OTOF: variants seen among roughly 807,000 people sequenced by gnomAD.
OTOF encodes the protein fer-1-like family member 2.
A neutral mutation model predicts 236.8 loss-of-function variants in OTOF; 218 were observed. The observed-to-expected ratio is 0.92, with a 90% CI of 0.82 to 1.03. The LOEUF (loss-of-function observed/expected upper bound fraction) is 1.03, where lower values mean the gene tolerates loss of function less well. OTOF is among the 50% of genes least tolerant of loss of function. The pLI is 0.00. For missense variants in OTOF, 2,590 were observed against 2,694.4 expected, an observed-to-expected ratio of 0.96 and a Z score of 0.86; for synonymous variants, 1,041 against 1,072.5, an observed-to-expected ratio of 0.97 and a Z score of 0.57.
chr2:26,459,398 A>C (rs1266195606), intron 46 of OTOF, among the ~76,000 whole-genome samples: 3 of 152,024 alleles, frequency 2.0e-5, no homozygotes, highest in Non-Finnish European at 4.4e-5. Flanking sequence ...TAAAAATACA[A>C]AAAATTATCC....
intron 8 of OTOF, among the ~76,000 whole-genome samples, chr2:26,500,600 T>A (rs1386154904): frequency 6.6e-6 from 1 of 152,188 alleles, no homozygotes; most frequent in African/African-American, 2.4e-5. Flanking sequence ...TTGAAGTTAT[T>A]TAAAACCACA....
chr2:26,482,459 G>A lies in OTOF; in HGVS notation c.1526C>T (p.Ala509Val). The A allele has an allele frequency of 6.2e-7, 1 of 1,613,312 alleles. No homozygotes were observed. Among genetic ancestry groups the A allele is most frequent in the Non-Finnish European group, 8.5e-7 (1 of 1,179,998 alleles). The change falls in exon 14 of 47, where the codon GCC becomes GTC. Residue 509 changes from alanine to valine, a missense_variant. Physicochemically the swap from Ala to Val is moderately conservative, Grantham distance 64. This residue lies in a region of OTOF where 1,379 missense variants were observed against 1,341.6 expected (regional missense o/e 1.03). Coordinates refer to ENST00000272371, the MANE Select transcript of OTOF (RefSeq NM_194248.3). ...IRDSDKVNDV[A>V]IGTHFIDLRK... Reference sequence around the variant, plus strand: ...CAGGTCAATGAAGTGGGTGCCGATGGCCACGTCGTTGACCTTGTCCGAGTC... The same window carrying A: ...CAGGTCAATGAAGTGGGTGCCGATGACCACGTCGTTGACCTTGTCCGAGTC...
At chr2:26,496,052 T>A (rs1665975550) in intron 8 of OTOF, among the ~76,000 whole-genome samples, 1 of 152,208 alleles carries the variant, frequency 6.6e-6, no homozygotes, top group Non-Finnish European at 1.5e-5. Context: ...ACTGATTGTA[T>A]GTTGTGTGCA....
At chr2:26,501,239 C>A (rs928516079) in intron 8 of OTOF, among the ~76,000 whole-genome samples, 7 of 152,044 alleles carry the variant, frequency 4.6e-5, no homozygotes, top group African/African-American at 1.7e-4. Context: ...CTTAGAAGCA[C>A]ACAAATAAAA....
chr2:26,491,754 T>C (rs1437672786), intron 9 of OTOF, among the ~76,000 whole-genome samples: 1 of 152,216 alleles, frequency 6.6e-6, no homozygotes, highest in Non-Finnish European at 1.5e-5. Context: ...GGCAAAGGTT[T>C]TGAGCTTCCC....
chr2:26,481,373 A>G (rs545807905), intron 14 of OTOF, among the ~76,000 whole-genome samples: 1 of 152,200 alleles, frequency 6.6e-6, no homozygotes, highest in South Asian at 2.1e-4. Context: ...CACCACGGTG[A>G]CCCTGCCAGT....
rs368595030 is a variant in OTOF, at chr2:26,483,470, C to T, written c.1384G>A (p.Gly462Ser). 45 of 1,613,622 alleles carry T rather than the reference C, an allele frequency of 2.8e-5. No individual in the cohort carries two copies. The highest frequency in any genetic ancestry group is 3.7e-5 in the Non-Finnish European group (44 of 1,179,966). The change falls in exon 13 of 47, where the codon GGC becomes AGC. Residue 462 changes from glycine (G) to serine (S), a missense_variant. This residue lies in a region of OTOF where 1,379 missense variants were observed against 1,341.6 expected (regional missense o/e 1.03). Coordinates refer to ENST00000272371, the MANE Select transcript of OTOF (RefSeq NM_194248.3). The part of the protein sequence containing the change: ...VDPYVQVFFA[G>S]QKGKTSVQKS... ...ACCTCATACCCCAGTACCTTCTGGC[C>T]AGCAAAGAAGACTTGCACGTAGGGG... is the stretch of plus-strand genomic sequence containing the variant.
At position 26,464,907 on chromosome 2, in the gene OTOF, C is replaced by A. The variant is rs200283244; in HGVS notation, c.4922G>T (p.Arg1641Leu). 3.8e-6 allele frequency: 6 copies of A among 1,597,354 alleles called. No individual in the cohort carries two copies. The highest frequency in any genetic ancestry group is 4.5e-5 in the East Asian group (2 of 44,156). The change falls in exon 39 of 47, where the codon CGC (arginine) becomes CTC (leucine). Residue 1641 changes from arginine to leucine, a missense_variant. By Grantham distance (102) the Arg-to-Leu change is moderately radical. Around this residue, in one of 2 missense-constraint regions of OTOF, gnomAD observed 1,211 missense variants for 1,352.8 expected, o/e 0.90. Transcript: ENST00000272371. Reference protein sequence around the residue: ...GPPGRVKVANRVFTGPSEIED... With the variant: ...GPPGRVKVANLVFTGPSEIED... ...AATCTCAGAGGGCCCAGTGAAGACG[C>A]GGTTGGCCACCTTCACTCTCCCAGG...
intron 33 of OTOF, 36 bp downstream of exon 33, chr2:26,468,372 G>C (rs370455052): frequency 1.3e-5 from 20 of 1,546,928 alleles, no homozygotes; most frequent in Non-Finnish European, 1.5e-5. Context: ...CCAGGGGCGG[G>C]GAGGAGGAGG....
In OTOF at chr2:26,475,823, G is replaced by T. The variant is rs780161414; in HGVS notation, c.2991+91C>A. ...TGACCTGTGGCTCCAGGCCCCACAG[G>T]CTCACAGGCCCCACAGGCTCCAGTC... On this transcript the variant is annotated intron_variant, in intron 24 of 46. Coordinates refer to ENST00000272371, the MANE Select transcript of OTOF (RefSeq NM_194248.3). The T allele has an allele frequency of 2.0e-3, 3,036 of 1,498,556 alleles. 6 individuals are homozygous for T. The highest frequency in any genetic ancestry group is 2.6e-3 in the Non-Finnish European group (2,845 of 1,108,386). 92.8% of individuals were successfully genotyped at this position (1,498,556 alleles called of 1,614,324 possible). A position where few individuals can be genotyped will look rare whatever the true frequency, so the allele number is the denominator to read the frequency against.
At chr2:26,525,769 G>A (rs1440649360) in intron 3 of OTOF, among the ~76,000 whole-genome samples, 5 of 152,002 alleles carry the variant, frequency 3.3e-5, no homozygotes, top group African/African-American at 4.8e-5. Flanking sequence ...TGGATGGATC[G>A]ATAGATGGAT....
intron 10 of OTOF, 147 bp from the exon 11 acceptor site, chr2:26,489,442 G>A: frequency 1.3e-6 from 1 of 742,590 alleles, no homozygotes. Context: ...AGCTCCTCCT[G>A]CCCACGCCAG....
chr2:26,474,078 G>C lies in OTOF; in HGVS notation c.3321C>G (p.Pro1107=), dbSNP rs373313654. Residue 1107 remains proline (P), a synonymous_variant, in exon 27 of 47, where the codon CCC becomes CCG. Transcript: ENST00000272371. ...GGTCCACGTCCACCGGGCCATTGATGGGGGGCAGGTCAGCCTTCCCTGCTG... is the reference window on the plus strand; with the variant it reads ...GGTCCACGTCCACCGGGCCATTGATCGGGGGCAGGTCAGCCTTCCCTGCTG... ...IGPAGKADLP[P]INGPVDVDRG... The C allele has an allele frequency of 5.0e-6, 8 of 1,612,958 alleles. No homozygotes were observed. The highest frequency in any genetic ancestry group is 1.7e-5 in the Admixed American group (1 of 60,012).
At chr2:26,458,307 A>G in intron 46 of OTOF, 87 bp from the exon 47 acceptor site, 8 of 1,381,996 alleles carry the variant, frequency 5.8e-6, no homozygotes, top group Non-Finnish European at 8.0e-6. Context: ...TGGACCCCCA[A>G]AAGCCCTGCC....
intron 5 of OTOF, among the ~76,000 whole-genome samples, chr2:26,515,825 G>A (rs1055089503): frequency 6.6e-6 from 1 of 152,208 alleles, no homozygotes; most frequent in Non-Finnish European, 1.5e-5. Context: ...TAAAAATAGT[G>A]CACGTGGAAT....
chr2:26,477,297 G>T lies in OTOF; in HGVS notation c.2407-9C>A, dbSNP rs752048579. On this transcript the variant is annotated splice_polypyrimidine_tract_variant and intron_variant, in intron 20 of 46. Coordinates refer to ENST00000272371, the MANE Select transcript of OTOF (RefSeq NM_194248.3). The surrounding 1 kb of genome is among the most constrained non-coding windows in gnomAD (Gnocchi z 4.7). ...TGCTGCCCCATGTTTTCCTGCGAAGGAGGGGGTGTCAGTGAACCCAGCAAC... is the reference window on the plus strand; with the variant it reads ...TGCTGCCCCATGTTTTCCTGCGAAGTAGGGGGTGTCAGTGAACCCAGCAAC... The T allele has an allele frequency of 1.6e-4, 263 of 1,608,426 alleles. No individual in the cohort carries two copies. The highest frequency in any genetic ancestry group is 2.1e-4 in the Non-Finnish European group (245 of 1,178,192).
chr2:26,514,924 G>A (rs1666483032), intron 5 of OTOF, among the ~76,000 whole-genome samples: 1 of 152,226 alleles, frequency 6.6e-6, no homozygotes, highest in Non-Finnish European at 1.5e-5. Flanking sequence ...GGAGGACCAG[G>A]TGGTGCCCAC....
chr2:26,460,852 C>G lies in OTOF; in HGVS notation c.5712G>C (p.Thr1904=), dbSNP rs752912635. 2 of 1,614,002 alleles carry G rather than the reference C, an allele frequency of 1.2e-6. No homozygotes were observed. Among genetic ancestry groups the G allele is most frequent in the East Asian group, 2.2e-5 (1 of 44,850 alleles). Residue 1904 remains threonine (T), a splice_region_variant and synonymous_variant, in exon 44 of 47, where the codon ACG becomes ACC. Coordinates refer to ENST00000272371, the MANE Select transcript of OTOF (RefSeq NM_194248.3). This position sits in a 1 kb window ranked among gnomAD's most constrained non-coding sequence, Gnocchi z 5.3. The stretch of plus-strand genomic sequence containing the variant: ...TGCCCGAGCAGGAAGGGGTGCGCAC[C>G]GTGAGCTCAAACTCATCGTTCTCAT... ...ARNENDEFEL[T]GKVEAELHLL... is the part of the protein sequence containing the mutation.
intron 41 of OTOF, among the ~76,000 whole-genome samples, chr2:26,463,271 A>G (rs576865174): frequency 6.4e-4 from 97 of 152,338 alleles, no homozygotes; most frequent in African/African-American, 2.3e-3. Flanking sequence ...GTCCTGCCTT[A>G]GCACGTGGGG....
Sources: gnomAD v4.1 joint callset for allele counts (sites outside exome capture counted in the v4.1 genomes callset) on GRCh38, gnomAD v4.1.1 for gene constraint, gnomAD v4.1.1 regional missense constraint, Gnocchi (gnomAD v3.1) non-coding constraint, MANE v1.5 for transcripts, NCBI Gene and HGNC (gene_info 2026-07-23, HGNC 2026-07-21) for gene names.